Variants in MEOX2 observed in about 807,000 individuals in gnomAD.
MEOX2 encodes the protein mesenchyme homeobox 2, also known as homeobox protein MOX-2.
Under a neutral mutation model 27.0 loss-of-function variants are expected in MEOX2, and 11 were observed. The ratio of observed to expected loss-of-function variants is 0.41; its 90% confidence interval spans 0.26 to 0.68. The LOEUF is 0.68. Among genes scored for constraint, MEOX2 ranks in the 30% least tolerant of loss-of-function variants. The pLI is 0.33. For missense variants in MEOX2, 436 were observed against 385.4 expected (o/e 1.13, Z -1.10); for synonymous variants, 189 against 155.4 (o/e 1.22, Z -1.61).
chr7:15,648,718 G>C (rs1328045749), intron 1 of MEOX2, among the ~76,000 whole-genome samples: 1 of 152,016 alleles, frequency 6.6e-6, no homozygotes, highest in Non-Finnish European at 1.5e-5. Flanking sequence ...AAAGTTAACT[G>C]AACTAGGATG....
chr7:15,660,466 G>A (rs920730222), intron 1 of MEOX2, among the ~76,000 whole-genome samples: 9 of 151,954 alleles, frequency 5.9e-5, no homozygotes, highest in African/African-American at 2.2e-4. Flanking sequence ...GGACCTTCTG[G>A]ATGAGGTAAT....
intron 1 of MEOX2, among the ~76,000 whole-genome samples, chr7:15,661,309 C>A (rs189628706): frequency 6.6e-6 from 1 of 152,220 alleles, no homozygotes; most frequent in Admixed American, 6.5e-5. Flanking sequence ...TCACTCACAT[C>A]TCTAATTTTT....
At chr7:15,673,696 T>C (rs960035335) in intron 1 of MEOX2, among the ~76,000 whole-genome samples, 1 of 151,012 alleles carries the variant, frequency 6.6e-6, no homozygotes, top group Admixed American at 6.6e-5. Flanking sequence ...CCGATTAAGA[T>C]GAGAGATTGT....
At chr7:15,640,758 C>T (rs1315702727) in intron 1 of MEOX2, among the ~76,000 whole-genome samples, 2 of 152,048 alleles carry the variant, frequency 1.3e-5, no homozygotes, top group Non-Finnish European at 2.9e-5. Context: ...TTAACAAATG[C>T]TTTTTCTGCA....
At position 15,620,554 on chromosome 7, in the gene MEOX2, C is replaced by G. The variant is rs182582773; in HGVS notation, c.690+6192G>C. Among the ~76,000 whole-genome samples, 204 of 150,028 alleles carry G rather than the reference C, an allele frequency of 1.4e-3. 1 individual carries two copies. Among genetic ancestry groups the G allele is most frequent in the African/African-American group, 4.7e-3 (189 of 40,236 alleles). On this transcript the variant is annotated intron_variant, in intron 2 of 2. Coordinates refer to ENST00000262041, the MANE Select transcript of MEOX2 (RefSeq NM_005924.5). ...AGCCACTGCACTCCAGCCTGGGTGA[C>G]AAACAACAACAACAACAACAAAAAA...
intron 1 of MEOX2, among the ~76,000 whole-genome samples, chr7:15,662,673 T>C (rs1276896471): frequency 2.6e-5 from 4 of 152,172 alleles, no homozygotes; most frequent in Non-Finnish European, 4.4e-5. Flanking sequence ...ATTTTTGGCT[T>C]AGAACAATGG....
At chr7:15,653,070 G>T (rs528004363) in intron 1 of MEOX2, among the ~76,000 whole-genome samples, 2 of 152,134 alleles carry the variant, frequency 1.3e-5, no homozygotes, top group Non-Finnish European at 1.5e-5. Flanking sequence ...TTCCAGAGTG[G>T]CTGGGCCATT....
At chr7:15,662,850 G>T (rs1400203314) in intron 1 of MEOX2, among the ~76,000 whole-genome samples, 1 of 152,144 alleles carries the variant, frequency 6.6e-6, no homozygotes, top group African/African-American at 2.4e-5. Flanking sequence ...TAAAAGCACA[G>T]TTCATTAAAC....
At chr7:15,652,190 C>A (rs557208051) in intron 1 of MEOX2, among the ~76,000 whole-genome samples, 1 of 151,962 alleles carries the variant, frequency 6.6e-6, no homozygotes. Context: ...CAGTAACATG[C>A]TTTTACTGTT....
chr7:15,643,074 G>A (rs932287605), intron 1 of MEOX2, among the ~76,000 whole-genome samples: 3 of 152,170 alleles, frequency 2.0e-5, no homozygotes, highest in South Asian at 4.1e-4. Context: ...TTATGCTACA[G>A]GTCAATAGGT....
chr7:15,685,398 G>A (rs1042357919), intron 1 of MEOX2, among the ~76,000 whole-genome samples: 1 of 151,834 alleles, frequency 6.6e-6, no homozygotes, highest in African/African-American at 2.4e-5. Context: ...GCTCTGCCAA[G>A]TTCCATTGCA....
At chr7:15,650,292 C>A (rs1474255040) in intron 1 of MEOX2, among the ~76,000 whole-genome samples, 1 of 152,004 alleles carries the variant, frequency 6.6e-6, no homozygotes, top group Non-Finnish European at 1.5e-5. Context: ...TTCTCCATAC[C>A]CCATAACTTA....
rs578248303 is a variant in MEOX2, at chr7:15,671,295, C to T, written c.517+14591G>A. ...AATTAAAGAAGCATGGAGAGTCTGA[C>T]AGTAATCTGTTCTTATGAACTAAAG... On this transcript the variant is annotated intron_variant, in intron 1 of 2. Transcript: ENST00000262041. 1.4e-4 allele frequency among the ~76,000 whole-genome samples: 21 copies of T among 152,240 alleles called. 1 individual carries two copies. In the South Asian group the frequency reaches 3.5e-3, roughly 26 times the overall value.
intron 1 of MEOX2, among the ~76,000 whole-genome samples, chr7:15,672,692 A>C (rs1280961390): frequency 6.6e-6 from 1 of 152,142 alleles, no homozygotes; most frequent in Non-Finnish European, 1.5e-5. Flanking sequence ...GGAGATCAAG[A>C]CCATCCTGGC....
At chr7:15,651,045 C>T (rs1252437467) in intron 1 of MEOX2, among the ~76,000 whole-genome samples, 1 of 151,878 alleles carries the variant, frequency 6.6e-6, no homozygotes, top group Non-Finnish European at 1.5e-5. Context: ...GAAACAAGGA[C>T]GTGGAGCAAA....
intron 1 of MEOX2, chr7:15,679,909 A>G (rs1460389044): frequency 1.3e-5 from 2 of 151,938 alleles, no homozygotes; most frequent in Non-Finnish European, 2.9e-5. Context: ...AAAAATGTAA[A>G]TTATTTTCAT....
chr7:15,622,281 ATGTG>A (rs762474305), intron 2 of MEOX2, among the ~76,000 whole-genome samples: 2 of 152,126 alleles, frequency 1.3e-5, no homozygotes, highest in Admixed American at 6.6e-5. Context: ...ATCTGTGTAT[ATGTG>A]TGTGTATGTG....
intron 1 of MEOX2, among the ~76,000 whole-genome samples, chr7:15,670,749 T>A (rs1325443152): frequency 6.6e-6 from 1 of 152,208 alleles, no homozygotes. Flanking sequence ...AAATGGTCAT[T>A]TCTAGCACAT....
At chr7:15,648,682 C>G (rs953666540) in intron 1 of MEOX2, among the ~76,000 whole-genome samples, 2 of 152,018 alleles carry the variant, frequency 1.3e-5, no homozygotes, top group Non-Finnish European at 2.9e-5. Context: ...AGAGTTACTG[C>G]CAGAAATAGA....
Sources: allele counts gnomAD v4.1 joint callset (sites outside exome capture counted in the v4.1 genomes callset), GRCh38; gene constraint gnomAD v4.1.1; transcripts MANE v1.5; gene names NCBI Gene and HGNC (gene_info 2026-07-23, HGNC 2026-07-21).